CFDP1: variants seen among roughly 807,000 people sequenced by gnomAD.
CFDP1 encodes chromatin remodeling protein CFDP1.
In CFDP1, 31 loss-of-function variants were observed where a neutral mutation model predicts 40.1. The observed-to-expected ratio is 0.77, with a 90% CI of 0.58 to 1.04. CFDP1 has a LOEUF of 1.04. Ranked by LOEUF, CFDP1 falls within the 50% of genes least tolerant of loss-of-function variation. CFDP1 has a pLI of 0.00. For synonymous variants in CFDP1, 167 were observed against 120.0 expected, an observed-to-expected ratio of 1.39 and a Z score of -2.56; for missense variants, 423 against 343.4, an observed-to-expected ratio of 1.23 and a Z score of -1.83.
rs547606943 is a variant in CFDP1 at position 75,366,886 on chromosome 16, G to A, written c.650+28204C>T. On this transcript the variant is annotated intron_variant, in intron 5 of 6. Coordinates refer to ENST00000283882, the MANE Select transcript of CFDP1 (RefSeq NM_006324.3). ...CACTTTAAAAAATTTACTATAGGCCGGGTGTGGTGGCTCACACCTGTAATC... is the reference window on the plus strand; with the variant it reads ...CACTTTAAAAAATTTACTATAGGCCAGGTGTGGTGGCTCACACCTGTAATC... 7.2e-5 allele frequency among the ~76,000 whole-genome samples: 11 copies of A among 152,152 alleles called. No individual in the cohort carries two copies. In the South Asian group the frequency reaches 1.9e-3, roughly 26 times the overall value.
intron 5 of CFDP1, among the ~76,000 whole-genome samples, chr16:75,369,403 A>C (rs2078737035): frequency 6.6e-6 from 1 of 152,032 alleles, no homozygotes; most frequent in South Asian, 2.1e-4. Flanking sequence ...AAAACAAAAC[A>C]ACCCACAAAA....
chr16:75,383,803 G>C (rs2078870603), intron 5 of CFDP1, among the ~76,000 whole-genome samples: 1 of 136,866 alleles, frequency 7.3e-6, no homozygotes, highest in Non-Finnish European at 1.6e-5. Flanking sequence ...TGGCAAAAGA[G>C]CGAGACTCCG....
At chr16:75,335,836 G>A (rs1314489135) in intron 5 of CFDP1, among the ~76,000 whole-genome samples, 1 of 152,132 alleles carries the variant, frequency 6.6e-6, no homozygotes, top group African/African-American at 2.4e-5. Flanking sequence ...GATTACAGGT[G>A]TGAGCCACCG....
In CFDP1 at chr16:75,411,902, T is replaced by C. The variant is rs2079166102; in HGVS notation, c.453A>G (p.Ala151=). Residue 151 remains alanine (A), a synonymous_variant, in exon 4 of 7, where the codon GCA becomes GCG. Coordinates refer to ENST00000283882, the MANE Select transcript of CFDP1 (RefSeq NM_006324.3). ...ETSSSKLLVK[A]EELEKPKETE... is the part of the protein sequence containing the mutation. ...TTTCTTTAGGTTTCTCTAGCTCTTC[T>C]GCTTTTACCAACAATTTACTTGAAC... is the stretch of plus-strand genomic sequence containing the variant. 3 of 1,612,184 alleles carry C rather than the reference T, an allele frequency of 1.9e-6. No homozygotes were observed. The East Asian group carries it at 6.7e-5, about 36-fold the overall frequency.
chr16:75,300,252 A>G (rs2078213020), intron 6 of CFDP1, among the ~76,000 whole-genome samples: 1 of 152,078 alleles, frequency 6.6e-6, no homozygotes, highest in African/African-American at 2.4e-5. Flanking sequence ...GACTTGTGGG[A>G]TGTTGGTGGA....
intron 5 of CFDP1, among the ~76,000 whole-genome samples, chr16:75,350,135 T>C (rs1002440495): frequency 6.6e-6 from 1 of 152,238 alleles, no homozygotes; most frequent in South Asian, 2.1e-4. Flanking sequence ...ATTTTGTTCA[T>C]CTGTGTTTAT....
chr16:75,404,511 G>A (rs1324088128), intron 4 of CFDP1, among the ~76,000 whole-genome samples: 1 of 151,988 alleles, frequency 6.6e-6, no homozygotes, highest in Non-Finnish European at 1.5e-5. Flanking sequence ...ATGAGCCACC[G>A]CGCCCGGCCG....
chr16:75,305,963 G>C (rs1417378370), intron 5 of CFDP1, among the ~76,000 whole-genome samples: 3 of 152,146 alleles, frequency 2.0e-5, no homozygotes, highest in African/African-American at 7.2e-5. Flanking sequence ...CCAAATTCAA[G>C]TCTTGGCAGG....
At chr16:75,411,367 C>T (rs367797863) in intron 4 of CFDP1, among the ~76,000 whole-genome samples, 46 of 152,096 alleles carry the variant, frequency 3.0e-4, no homozygotes, top group African/African-American at 9.9e-4. Context: ...GCCGAGATCA[C>T]GCCACTGCAT....
At chr16:75,411,736 T>G (rs1248277231) in intron 4 of CFDP1, 89 bp downstream of exon 4, 5 of 1,283,948 alleles carry the variant, frequency 3.9e-6, no homozygotes, top group Non-Finnish European at 5.5e-6. Flanking sequence ...TTATGATGGA[T>G]TGAAAAGAGG....
At chr16:75,358,588 T>G (rs1257816975) in intron 5 of CFDP1, among the ~76,000 whole-genome samples, 1 of 152,156 alleles carries the variant, frequency 6.6e-6, no homozygotes, top group Non-Finnish European at 1.5e-5. Flanking sequence ...GAAGAGCATT[T>G]GTACAACCAA....
chr16:75,324,379 T>C (rs771183361), intron 5 of CFDP1, among the ~76,000 whole-genome samples: 5 of 152,166 alleles, frequency 3.3e-5, no homozygotes, highest in Non-Finnish European at 7.3e-5. Context: ...ATACCTCCTG[T>C]TGTCCTCACT....
At chr16:75,337,662 G>C (rs1245329754) in intron 5 of CFDP1, among the ~76,000 whole-genome samples, 1 of 152,118 alleles carries the variant, frequency 6.6e-6, no homozygotes, top group African/African-American at 2.4e-5. Context: ...GTCTTACATG[G>C]GTGGCGCAGG....
chr16:75,327,093 CCT>C (rs2078407458), intron 5 of CFDP1, among the ~76,000 whole-genome samples: 1 of 152,076 alleles, frequency 6.6e-6, no homozygotes, highest in South Asian at 2.1e-4. Flanking sequence ...ACGGTGAAAC[CCT>C]GTCTCTACTA....
At chr16:75,381,175 G>C (rs1480984243) in intron 5 of CFDP1, 1 of 152,110 alleles carries the variant, frequency 6.6e-6, no homozygotes, top group Non-Finnish European at 1.5e-5. Context: ...CAGAATGTAA[G>C]ACCCAGGGCC....
chr16:75,364,823 C>A (rs1181885369), intron 5 of CFDP1, among the ~76,000 whole-genome samples: 1 of 152,182 alleles, frequency 6.6e-6, no homozygotes, highest in Admixed American at 6.6e-5. Flanking sequence ...GTATTAAGGG[C>A]TCTTTGGAGT....
rs2079189754 is a variant in CFDP1, at chr16:75,414,691, T to G, written c.69A>C (p.Gly23=). The G allele has an allele frequency of 6.3e-7, 1 of 1,595,950 alleles. No individual in the cohort carries two copies. The highest frequency in any genetic ancestry group is 1.3e-5 in the African/African-American group (1 of 74,656). The change falls in exon 2 of 7, where the codon GGA becomes GGC. Residue 23 remains glycine, a synonymous_variant. Transcript: ENST00000283882. ...EEDEDYVPSG[G]EYSEDDVNEL... Reference sequence around the variant, plus strand: ...CATTTACATCATCTTCACTATACTCTCCACCTGAAATCACATAACAGGGTG... The same window carrying G: ...CATTTACATCATCTTCACTATACTCGCCACCTGAAATCACATAACAGGGTG...
chr16:75,431,633 T>G (rs2079419290), intron 1 of CFDP1, among the ~76,000 whole-genome samples: 1 of 151,828 alleles, frequency 6.6e-6, no homozygotes, highest in Admixed American at 6.6e-5. Flanking sequence ...AGCGAGACAC[T>G]GTCTCGAAAG....
intron 1 of CFDP1, among the ~76,000 whole-genome samples, chr16:75,430,741 G>A (rs1274114860): frequency 6.6e-6 from 1 of 152,182 alleles, no homozygotes; most frequent in Admixed American, 6.6e-5. Context: ...TAGGATTATA[G>A]GCTCGAGCCA....
Sources: allele counts gnomAD v4.1 joint callset (sites outside exome capture counted in the v4.1 genomes callset), GRCh38; gene constraint gnomAD v4.1.1; transcripts MANE v1.5; gene names NCBI Gene and HGNC (gene_info 2026-07-23, HGNC 2026-07-21).